Variants in GALNT13 observed in about 807,000 individuals in gnomAD.
GALNT13 encodes the protein polypeptide N-acetylgalactosaminyltransferase 13, also known as UDP-GalNAc:polypeptide N-acetylgalactosaminyltransferase 13.
Under a neutral mutation model 64.2 loss-of-function variants are expected in GALNT13, and 28 were observed. That is an observed-to-expected ratio of 0.44 (90% CI 0.32 to 0.60). The LOEUF is 0.60. GALNT13 is among the 20% of genes least tolerant of loss of function. The probability of loss-of-function intolerance (pLI) is 0.05; values close to 1 mark genes in which losing one functional copy is unlikely to be tolerated. For synonymous variants in GALNT13, 214 were observed against 224.6 expected (o/e 0.95, Z 0.42); for missense variants, 577 against 669.8 (o/e 0.86, Z 1.53).
chr2:153,262,435 T>G, the GALNT13 span, among the ~76,000 whole-genome samples: 1 of 152,190 alleles, frequency 6.6e-6, no homozygotes, highest in Admixed American at 6.5e-5. Context: ...GATTCCTCCC[T>G]AACTCATTTT....
chr2:154,188,281 C>T (rs1573838872), intron 4 of GALNT13, among the ~76,000 whole-genome samples: 1 of 152,050 alleles, frequency 6.6e-6, no homozygotes, highest in Admixed American at 6.6e-5. Flanking sequence ...ACTATATGGA[C>T]TGAGTACAAG....
chr2:153,641,707 AAC>A, the GALNT13 span, among the ~76,000 whole-genome samples: 2 of 152,292 alleles, frequency 1.3e-5, no homozygotes, highest in African/African-American at 4.8e-5. Context: ...TGCTGAAACA[AAC>A]ATTCACATTT....
chr2:153,970,388 C>A (rs9678295), intron 3 of GALNT13, among the ~76,000 whole-genome samples: 27,884 of 152,078 alleles, frequency 0.18, 4,697 homozygotes, highest in East Asian at 0.74. Context: ...TGGTTTTCTA[C>A]CTCACTGACG....
At chr2:153,751,427 G>A in the GALNT13 span, among the ~76,000 whole-genome samples, 13 of 151,736 alleles carry the variant, frequency 8.6e-5, no homozygotes, top group East Asian at 2.3e-3. Flanking sequence ...AGTGTGGGGT[G>A]TTGAAGTCTC....
the GALNT13 span, among the ~76,000 whole-genome samples, chr2:153,376,037 C>G: frequency 6.6e-6 from 1 of 152,032 alleles, no homozygotes; most frequent in Non-Finnish European, 1.5e-5. Flanking sequence ...TCATCCCTGC[C>G]CACTCACAGG....
chr2:153,125,511 G>T, the GALNT13 span, among the ~76,000 whole-genome samples: 1 of 152,290 alleles, frequency 6.6e-6, no homozygotes, highest in Non-Finnish European at 1.5e-5. Flanking sequence ...ATAATAGTGC[G>T]CAGGACTAAA....
intron 3 of GALNT13, among the ~76,000 whole-genome samples, chr2:154,093,117 A>G (rs1168419345): frequency 6.6e-6 from 1 of 152,042 alleles, no homozygotes; most frequent in Non-Finnish European, 1.5e-5. Context: ...TCTCAATAGA[A>G]TCTCAATTGT....
chr2:153,495,198 A>G, the GALNT13 span, among the ~76,000 whole-genome samples: 75 of 152,146 alleles, frequency 4.9e-4, no homozygotes, highest in Non-Finnish European at 5.4e-4. Flanking sequence ...CACTGGTAGG[A>G]CTACACAATG....
At chr2:153,383,436 A>G in the GALNT13 span, among the ~76,000 whole-genome samples, 1 of 152,082 alleles carries the variant, frequency 6.6e-6, no homozygotes, top group Non-Finnish European at 1.5e-5. Flanking sequence ...TTGAAAATTA[A>G]CCAAGGTTAA....
chr2:153,498,949 TC>T, the GALNT13 span, among the ~76,000 whole-genome samples: 159 of 151,926 alleles, frequency 1.0e-3, no homozygotes, highest in African/African-American at 3.7e-3. Context: ...CCGGGTTCAC[TC>T]CATTCTCCTG....
chr2:153,612,373 A>G, the GALNT13 span, among the ~76,000 whole-genome samples: 3 of 152,194 alleles, frequency 2.0e-5, no homozygotes, highest in East Asian at 1.9e-4. Flanking sequence ...CTATTGTACT[A>G]TATAGACACA....
chr2:153,539,262 G>C, the GALNT13 span, among the ~76,000 whole-genome samples: 7 of 152,028 alleles, frequency 4.6e-5, no homozygotes, highest in Admixed American at 6.6e-5. Flanking sequence ...TTGTAAATTT[G>C]TTTGAGTTCA....
At chr2:154,446,438 T>C (rs953198170) in intron 12 of GALNT13, 1 of 990,042 alleles carries the variant, frequency 1.0e-6, no homozygotes, top group African/African-American at 1.6e-5. Context: ...CACAGCTCCA[T>C]GGATACAATT....
the GALNT13 span, among the ~76,000 whole-genome samples, chr2:153,435,436 C>G: frequency 3.9e-5 from 6 of 152,006 alleles, no homozygotes; most frequent in East Asian, 9.6e-4. Context: ...GCCATTTTCA[C>G]AATATTGATT....
the GALNT13 span, among the ~76,000 whole-genome samples, chr2:153,669,589 G>C: frequency 6.6e-6 from 1 of 152,118 alleles, no homozygotes; most frequent in South Asian, 2.1e-4. Flanking sequence ...AACAGCTCTG[G>C]TCTACAGCTC....
the GALNT13 span, among the ~76,000 whole-genome samples, chr2:153,557,233 T>G: frequency 1.3e-5 from 2 of 152,170 alleles, no homozygotes; most frequent in African/African-American, 4.8e-5. Flanking sequence ...TACAGTAACA[T>G]GTTGTACAGA....
chr2:154,336,181 G>A (rs547560976), intron 9 of GALNT13, among the ~76,000 whole-genome samples: 2 of 152,078 alleles, frequency 1.3e-5, no homozygotes, highest in Admixed American at 1.3e-4. Flanking sequence ...GCTTTGTTTG[G>A]GATTAAAAGA....
intron 4 of GALNT13, among the ~76,000 whole-genome samples, chr2:154,186,492 A>G (rs1238917322): frequency 6.6e-6 from 1 of 152,118 alleles, no homozygotes; most frequent in East Asian, 1.9e-4. Flanking sequence ...AATGATCACT[A>G]GTATAGTTTG....
At chr2:153,918,621 C>G (rs571245767) in intron 2 of GALNT13, among the ~76,000 whole-genome samples, 48 of 152,230 alleles carry the variant, frequency 3.2e-4, no homozygotes, top group African/African-American at 1.0e-3. Flanking sequence ...ATGCCTCTTC[C>G]TCTATAAACC....
Sources: allele counts gnomAD v4.1 joint callset (sites outside exome capture counted in the v4.1 genomes callset), GRCh38; gene constraint gnomAD v4.1.1; transcripts MANE v1.5; gene names NCBI Gene and HGNC (gene_info 2026-07-23, HGNC 2026-07-21).